Variants in MIA3 observed in about 807,000 individuals in gnomAD.
MIA3 encodes the protein MIA SH3 domain ER export factor 3.
Under a neutral mutation model 192.4 loss-of-function variants are expected in MIA3, and 90 were observed. The ratio of observed to expected loss-of-function variants is 0.47; its 90% CI spans 0.39 to 0.56. The LOEUF is 0.56. Among genes scored for constraint, MIA3 ranks in the 20% least tolerant of loss-of-function variants. MIA3 has a pLI of 0.00. For synonymous variants in MIA3, 740 were observed against 792.8 expected, an observed-to-expected ratio of 0.93 and a Z score of 1.12; for missense variants, 2,123 against 2,269.4, an observed-to-expected ratio of 0.94 and a Z score of 1.31.
At chr1:222,656,667 A>G (rs1317693095) in intron 18 of MIA3, among the ~76,000 whole-genome samples, 1 of 151,886 alleles carries the variant, frequency 6.6e-6, no homozygotes, top group Non-Finnish European at 1.5e-5. Context: ...CTTTTTTCAC[A>G]TATTAATTCT....
intron 7 of MIA3, 192 bp downstream of exon 7, chr1:222,645,877 C>A: frequency 5.8e-6 from 3 of 513,500 alleles, no homozygotes; most frequent in South Asian, 5.0e-5. Flanking sequence ...TGTATAATCT[C>A]AGTGGGAAAA....
chr1:222,627,545 G>A, intron 3 of MIA3, 30 bp from the exon 4 acceptor site: 1 of 1,521,284 alleles, frequency 6.6e-7, no homozygotes, highest in African/African-American at 1.4e-5. Flanking sequence ...CTTGGCTATT[G>A]ACAGACTAAT....
At chr1:222,620,147 G>A (rs1353201668) in intron 1 of MIA3, among the ~76,000 whole-genome samples, 1 of 152,136 alleles carries the variant, frequency 6.6e-6, no homozygotes. Context: ...ATCTATATGC[G>A]TGTATAGCCA....
At chr1:222,625,167 G>A (rs3008618) in intron 3 of MIA3, among the ~76,000 whole-genome samples, 35,478 of 151,648 alleles carry the variant, frequency 0.23, 4,576 homozygotes, top group Admixed American at 0.35. Flanking sequence ...CCACCACCAC[G>A]CCTGGCTAAT....
Position 222,629,247 on chromosome 1 carries a change from G to C in MIA3, c.2027G>C (p.Arg676Thr), listed in dbSNP as rs1455240482. The change falls in exon 4 of 28, where the codon AGG becomes ACG. Residue 676 changes from arginine (R) to threonine (T), a missense_variant. Arg to Thr is a moderately conservative substitution (Grantham distance 71). Transcript: ENST00000344922. ...TASKQMSEKI[R>T]LSEGEAKEDS... ...AGTAAGCAAATGAGTGAGAAGATAA[G>C]GCTCTCTGAGGGAGAAGCCAAAGAG... The C allele has an allele frequency of 6.2e-7, 1 of 1,614,180 alleles. No homozygotes were observed. The highest frequency in any genetic ancestry group is 2.2e-5 in the East Asian group (1 of 44,878).
intron 4 of MIA3, among the ~76,000 whole-genome samples, chr1:222,631,115 TTTTTC>T (rs1390375262): frequency 1.3e-5 from 2 of 150,048 alleles, no homozygotes; most frequent in Non-Finnish European, 3.0e-5. Context: ...CCTCTTTCTT[TTTTTC>T]TTTTCTTTTT....
Position 222,665,604 on chromosome 1 carries a change from A to AAAAC in MIA3, c.5711_5714dup (p.Ser1906ThrfsTer7), listed in dbSNP as rs771484733. 26 of 1,590,678 alleles carry AAAAC rather than the reference A, an allele frequency of 1.6e-5. No homozygotes were observed. In the South Asian group the frequency reaches 2.8e-4, roughly 17 times the overall value. Reference sequence around the variant, plus strand: ...CTAGCCAGGACTGTTCACAGGCTTTAAAACAGAGCCCATAAAACTATGACC... The same window carrying AAAAC: ...CTAGCCAGGACTGTTCACAGGCTTTAAAACAAACAGAGCCCATAAAACTATGACC... On this transcript the variant is annotated frameshift_variant, in exon 28 of 28. Transcript: ENST00000344922. LOFTEE classifies it high-confidence loss of function.
intron 18 of MIA3, among the ~76,000 whole-genome samples, chr1:222,655,754 T>G (rs2936020): frequency 2.0e-5 from 3 of 151,962 alleles, no homozygotes; most frequent in Non-Finnish European, 4.4e-5. Flanking sequence ...AATAGTAATG[T>G]GAATTACGTA....
At chr1:222,630,507 A>G in intron 4 of MIA3, 118 bp downstream of exon 4, 2 of 989,828 alleles carry the variant, frequency 2.0e-6, no homozygotes, top group South Asian at 1.9e-5. Flanking sequence ...GAGAGGGACA[A>G]CACAGGGAGG....
intron 2 of MIA3, among the ~76,000 whole-genome samples, chr1:222,622,341 G>A (rs1264971022): frequency 2.0e-5 from 3 of 152,180 alleles, no homozygotes; most frequent in Admixed American, 6.5e-5. Flanking sequence ...TTTAGAAAGC[G>A]TGATATGTGG....
intron 6 of MIA3, among the ~76,000 whole-genome samples, chr1:222,641,004 C>T (rs934071023): frequency 6.6e-6 from 1 of 152,142 alleles, no homozygotes; most frequent in Non-Finnish European, 1.5e-5. Flanking sequence ...CAATTTAAAG[C>T]AGAATGAGTT....
At chr1:222,618,935 T>G (rs1487149788) in intron 1 of MIA3, among the ~76,000 whole-genome samples, 1 of 152,180 alleles carries the variant, frequency 6.6e-6, no homozygotes, top group Non-Finnish European at 1.5e-5. Context: ...TGATCAATCC[T>G]GTCGTTTCTG....
At chr1:222,650,769 C>T in intron 10 of MIA3, 24 bp from the exon 11 acceptor site, 1 of 1,574,274 alleles carries the variant, frequency 6.4e-7, no homozygotes, top group South Asian at 1.1e-5. Context: ...ATGAGTATAA[C>T]TAACCTTAAT....
intron 1 of MIA3, 48 bp downstream of exon 1, chr1:222,618,291 G>A (rs531824952): frequency 3.0e-6 from 4 of 1,332,750 alleles, no homozygotes; most frequent in Non-Finnish European, 3.9e-6. Flanking sequence ...TGGCCTTGGG[G>A]TCTCCGCCGG....
intron 4 of MIA3, among the ~76,000 whole-genome samples, chr1:222,631,125 CT>C (rs200848579): frequency 0.15 from 21,742 of 143,450 alleles, 1,711 homozygotes; most frequent in Middle Eastern, 0.23. Flanking sequence ...TTTTTCTTTT[CT>C]TTTTTTTTTT....
intron 6 of MIA3, among the ~76,000 whole-genome samples, chr1:222,635,248 C>T (rs1214624984): frequency 6.6e-6 from 1 of 152,192 alleles, no homozygotes; most frequent in African/African-American, 2.4e-5. Context: ...GAAATTATCA[C>T]TTGAAAAATT....
At position 222,633,158 on chromosome 1, in the gene MIA3, C is replaced by G. The variant is rs750242252; in HGVS notation, c.3386C>G (p.Pro1129Arg). Residue 1129 changes from proline to arginine, a missense_variant, in exon 6 of 28, where the codon CCA becomes CGA. Pro to Arg is a moderately radical substitution (Grantham distance 103). Transcript: ENST00000344922. ...GATGCTATTGATGCAAACAAGCAAC[C>G]AGAGACAGCCGCCGAAGAGCCGGCA... Reference protein sequence around the residue: ...PMDAIDANKQPETAAEEPASV... With the variant: ...PMDAIDANKQRETAAEEPASV... The G allele has an allele frequency of 4.3e-6, 7 of 1,614,048 alleles. No homozygotes were observed. The Admixed American group carries it at 1.2e-4, about 27-fold the overall frequency.
chr1:222,619,975 G>A (rs746097939), intron 1 of MIA3, among the ~76,000 whole-genome samples: 1 of 152,146 alleles, frequency 6.6e-6, no homozygotes, highest in Admixed American at 6.6e-5. Flanking sequence ...TTGTAAGGGG[G>A]AGCAAAAGAA....
chr1:222,629,464 G>A lies in MIA3; in HGVS notation c.2244G>A (p.Gly748=), dbSNP rs1296623298. 2.5e-6 allele frequency: 4 copies of A among 1,613,968 alleles called. No individual in the cohort carries two copies. The highest frequency in any genetic ancestry group is 3.4e-6 in the Non-Finnish European group (4 of 1,180,016). Residue 748 remains glycine, a synonymous_variant, in exon 4 of 28, where the codon GGG becomes GGA. Transcript: ENST00000344922. ...NAKRSKEKNP[G]NQGRQFDVNL... is the part of the protein sequence containing the mutation. ...AACGGTCTAAAGAAAAAAACCCTGGGAATCAGGGCAGGCAGTTTGATGTTA... is the reference window on the plus strand; with the variant it reads ...AACGGTCTAAAGAAAAAAACCCTGGAAATCAGGGCAGGCAGTTTGATGTTA...
Sources: allele counts gnomAD v4.1 joint callset (sites outside exome capture counted in the v4.1 genomes callset), GRCh38; gene constraint gnomAD v4.1.1; transcripts MANE v1.5; gene names NCBI Gene and HGNC (gene_info 2026-07-23, HGNC 2026-07-21).